REEP5: variants seen among roughly 807,000 people sequenced by gnomAD.
The protein encoded by REEP5 is receptor expression-enhancing protein 5.
Under a neutral mutation model 22.4 loss-of-function variants are expected in REEP5, and 24 were observed. That is an observed-to-expected ratio of 1.07 (90% CI 0.78 to 1.51). The LOEUF is 1.51. Among genes scored for constraint, REEP5 ranks in the 40% most tolerant of loss-of-function variants. REEP5 has a pLI of 0.00. For missense variants in REEP5, 252 were observed against 233.0 expected (o/e 1.08, Z -0.53); for synonymous variants, 103 against 88.6 (o/e 1.16, Z -0.92).
chr5:112,899,383 A>G (rs1421206154), intron 3 of REEP5, among the ~76,000 whole-genome samples: 1 of 152,084 alleles, frequency 6.6e-6, no homozygotes, highest in Non-Finnish European at 1.5e-5. Flanking sequence ...GGCCTCAAGC[A>G]GTCCTTCTGC....
chr5:112,912,401 A>C (rs1769124731), intron 2 of REEP5, among the ~76,000 whole-genome samples: 1 of 152,156 alleles, frequency 6.6e-6, no homozygotes. Context: ...TTTACCAGAG[A>C]CTGACAGTGT....
chr5:112,889,829 ATTTTTT>A (rs35932072), intron 3 of REEP5, among the ~76,000 whole-genome samples: 6 of 139,292 alleles, frequency 4.3e-5, no homozygotes, highest in Non-Finnish European at 6.1e-5. Flanking sequence ...GAAAAAAAAA[ATTTTTT>A]TTTTTTTTTG....
At chr5:112,918,508 A>G (rs1769279936) in intron 2 of REEP5, among the ~76,000 whole-genome samples, 1 of 152,206 alleles carries the variant, frequency 6.6e-6, no homozygotes, top group Non-Finnish European at 1.5e-5. Context: ...TGATGGCCCA[A>G]GGAGAGGAAA....
At chr5:112,900,682 G>A (rs974548144) in intron 3 of REEP5, among the ~76,000 whole-genome samples, 1 of 151,890 alleles carries the variant, frequency 6.6e-6, no homozygotes, top group African/African-American at 2.4e-5. Context: ...TGTGCCTGGG[G>A]CCCCCCACTC....
chr5:112,889,629 G>C (rs754284032), intron 3 of REEP5, among the ~76,000 whole-genome samples: 1 of 150,226 alleles, frequency 6.7e-6, no homozygotes, highest in African/African-American at 2.5e-5. Flanking sequence ...ATATTTAAAT[G>C]TAAGTCAGAA....
chr5:112,892,644 T>C (rs745724656), intron 3 of REEP5: 1 of 1,614,084 alleles, frequency 6.2e-7, no homozygotes, highest in Middle Eastern at 1.6e-4. Flanking sequence ...ACTTTCTTCA[T>C]GTGTTCAGAA....
At chr5:112,908,904 G>T (rs573818846) in intron 2 of REEP5, among the ~76,000 whole-genome samples, 1 of 147,918 alleles carries the variant, frequency 6.8e-6, no homozygotes, top group East Asian at 1.9e-4. Context: ...ACAATGGTCA[G>T]ATATAATCTG....
intron 2 of REEP5, among the ~76,000 whole-genome samples, chr5:112,917,849 T>G (rs1340329685): frequency 6.6e-6 from 1 of 152,092 alleles, no homozygotes; most frequent in Non-Finnish European, 1.5e-5. Flanking sequence ...AGGGGCTGGG[T>G]AGGAGGAATA....
chr5:112,895,465 C>T (rs1768653161), intron 3 of REEP5: 1 of 143,934 alleles, frequency 6.9e-6, no homozygotes, highest in Non-Finnish European at 1.5e-5. Context: ...CTTCAGCAAT[C>T]CAGACAAGCT....
Position 112,878,812 on chromosome 5 carries a change from G to A in REEP5, c.544C>T (p.Leu182=), listed in dbSNP as rs781404211. The change falls in exon 5 of 5, where the codon CTG becomes TTG. Residue 182 remains leucine (L), a synonymous_variant. Coordinates refer to ENST00000379638, the MANE Select transcript of REEP5 (RefSeq NM_005669.5). ...TAGGTGCTCTTCTTTTCTTCACCCA[G>A]TAAATTCACGGTAGCTTTCTTCGCT... ...KEAKKATVNL[L]GEEKKST 1.2e-6 allele frequency: 2 copies of A among 1,614,130 alleles called. No homozygotes were observed. The highest frequency in any genetic ancestry group is 1.7e-6 in the Non-Finnish European group (2 of 1,180,038).
chr5:112,887,785 A>T (rs1043524085), intron 3 of REEP5, among the ~76,000 whole-genome samples: 2 of 152,022 alleles, frequency 1.3e-5, no homozygotes, highest in Non-Finnish European at 2.9e-5. Context: ...CTACTTTGCC[A>T]TTGAGATTTT....
At chr5:112,903,182 T>C (rs1295049013) in intron 2 of REEP5, among the ~76,000 whole-genome samples, 1 of 152,236 alleles carries the variant, frequency 6.6e-6, no homozygotes, top group East Asian at 1.9e-4. Flanking sequence ...ACATTTAAAA[T>C]AATTTTCTAA....
chr5:112,896,758 C>A (rs531553186), intron 3 of REEP5: 1 of 152,082 alleles, frequency 6.6e-6, no homozygotes, highest in Non-Finnish European at 1.5e-5. Context: ...CATGGTGAAA[C>A]CCCGTCTCTA....
intron 3 of REEP5, chr5:112,893,749 T>C (rs1284575917): frequency 6.6e-6 from 1 of 152,234 alleles, no homozygotes; most frequent in Non-Finnish European, 1.5e-5. Context: ...ACACACACAA[T>C]GGTAGACTAA....
intron 2 of REEP5, among the ~76,000 whole-genome samples, chr5:112,913,536 TAAAAAAAAAAAAAAAAAA>T (rs148324454): frequency 3.1e-5 from 2 of 65,438 alleles, no homozygotes; most frequent in Non-Finnish European, 5.7e-5. Flanking sequence ...TGACCCTGGC[TAAAAAAAAAAAAAAAAAA>T]AAAAAAAAAT....
At chr5:112,879,995 G>A (rs1409510482) in intron 4 of REEP5, among the ~76,000 whole-genome samples, 1 of 151,774 alleles carries the variant, frequency 6.6e-6, no homozygotes. Context: ...TATATAAATT[G>A]TTGTTATACT....
intron 2 of REEP5, among the ~76,000 whole-genome samples, chr5:112,910,968 T>C (rs925985332): frequency 7.2e-5 from 11 of 152,348 alleles, no homozygotes; most frequent in African/African-American, 2.6e-4. Context: ...TTTTGCTAGA[T>C]ACTGACTTTC....
At chr5:112,917,711 T>C (rs1769261824) in intron 2 of REEP5, among the ~76,000 whole-genome samples, 1 of 152,158 alleles carries the variant, frequency 6.6e-6, no homozygotes, top group South Asian at 2.1e-4. Flanking sequence ...AGAGGACTCT[T>C]ATTTGTGCAA....
intron 3 of REEP5, among the ~76,000 whole-genome samples, chr5:112,890,123 G>A (rs546919208): frequency 2.0e-5 from 3 of 150,092 alleles, no homozygotes; most frequent in African/African-American, 2.5e-5. Flanking sequence ...CACCGCACCC[G>A]GCCACAAAAA....
Sources: gnomAD v4.1 joint callset for allele counts (sites outside exome capture counted in the v4.1 genomes callset) on GRCh38, gnomAD v4.1.1 for gene constraint, MANE v1.5 for transcripts, NCBI Gene and HGNC (gene_info 2026-07-23, HGNC 2026-07-21) for gene names.